The following KAZN variants were observed in gnomAD, a reference collection of about 807,000 sequenced individuals.
KAZN encodes the protein kazrin.
Under a neutral mutation model 87.4 loss-of-function variants are expected in KAZN, and 40 were observed. The ratio of observed to expected loss-of-function variants is 0.46; its 90% CI spans 0.36 to 0.60. The LOEUF is 0.60. Among genes scored for constraint, KAZN ranks in the 20% least tolerant of loss-of-function variants. The probability of loss-of-function intolerance (pLI) is 0.00; values close to 1 mark genes in which losing one functional copy is unlikely to be tolerated. For synonymous variants in KAZN, 466 were observed against 458.3 expected (o/e 1.02, Z -0.22); for missense variants, 898 against 1,073.9 (o/e 0.84, Z 2.29).
At chr1:14,662,678 T>C (rs952756233) in intron 1 of KAZN, among the ~76,000 whole-genome samples, 1 of 151,788 alleles carries the variant, frequency 6.6e-6, no homozygotes, top group Non-Finnish European at 1.5e-5. Context: ...TGTGTGTATA[T>C]GAGTGTTTGC....
chr1:14,386,308 T>C (rs1245337355), intron 2 of KAZN, among the ~76,000 whole-genome samples: 4 of 147,164 alleles, frequency 2.7e-5, no homozygotes, highest in Non-Finnish European at 4.5e-5. Context: ...ATTTAGTCCA[T>C]TTACATTTAA....
chr1:14,392,302 A>AT (rs1662512689), intron 2 of KAZN, among the ~76,000 whole-genome samples: 2 of 152,186 alleles, frequency 1.3e-5, no homozygotes, highest in African/African-American at 4.8e-5. Flanking sequence ...ATATTACAGC[A>AT]TATCTAGTAA....
At chr1:14,615,053 C>G (rs1372696633) in intron 1 of KAZN, among the ~76,000 whole-genome samples, 2 of 152,232 alleles carry the variant, frequency 1.3e-5, no homozygotes, top group African/African-American at 4.8e-5. Context: ...CTTGCCAATT[C>G]CCCTGTAAAT....
At chr1:14,347,299 ACTATACC>A (rs1658175987) in intron 2 of KAZN, among the ~76,000 whole-genome samples, 1 of 152,196 alleles carries the variant, frequency 6.6e-6, no homozygotes, top group African/African-American at 2.4e-5. Context: ...AACATGGACA[ACTATACC>A]AGCAGTCCAG....
intron 2 of KAZN, among the ~76,000 whole-genome samples, chr1:14,366,650 C>T (rs182836756): frequency 2.2e-4 from 33 of 152,324 alleles, no homozygotes; most frequent in East Asian, 5.8e-4. Context: ...CGGGAAGAAA[C>T]GCCGCACCAG....
At chr1:15,046,297 C>CAAAAAAAAAAAAAAAAA (rs55932579) in intron 4 of KAZN, among the ~76,000 whole-genome samples, 6 of 134,342 alleles carry the variant, frequency 4.5e-5, no homozygotes, top group East Asian at 2.2e-4. Context: ...GACTCCGTCT[C>CAAAAAAAAAAAAAAAAA]AAAAAAAAAA....
intron 1 of KAZN, among the ~76,000 whole-genome samples, chr1:14,707,495 C>G (rs944201444): frequency 6.6e-6 from 1 of 152,194 alleles, no homozygotes; most frequent in African/African-American, 2.4e-5. Context: ...AGGTCTCTTT[C>G]TGGAATTCTC....
Position 14,166,293 on chromosome 1 carries a change from C to T in KAZN, c.92-14142C>T, listed in dbSNP as rs562092318. ...TTGTGCCACTGCACTCCAGCCTGAG[C>T]GACAGAGCAAGACTGTCTCAAAAAT... On this transcript the variant is annotated intron_variant, in intron 1 of 16. Coordinates refer to the KAZN transcript ENST00000636203. Among the ~76,000 whole-genome samples the T allele has an allele frequency of 2.0e-5, 3 of 152,120 alleles. No homozygotes were observed. The East Asian group carries it at 5.8e-4, about 29-fold the overall frequency.
chr1:13,992,313 A>C (rs532896495), intron 1 of KAZN, among the ~76,000 whole-genome samples: 4 of 152,158 alleles, frequency 2.6e-5, no homozygotes, highest in Admixed American at 6.5e-5. Flanking sequence ...CTTGCTCACC[A>C]AAATTATTGT....
chr1:14,038,811 G>A (rs1022918684), intron 1 of KAZN, among the ~76,000 whole-genome samples: 9 of 152,134 alleles, frequency 5.9e-5, no homozygotes, highest in African/African-American at 9.7e-5. Flanking sequence ...GTGTGAATCC[G>A]TTTTTCCAAT....
chr1:14,107,607 A>G (rs1644406218), intron 1 of KAZN, among the ~76,000 whole-genome samples: 1 of 152,162 alleles, frequency 6.6e-6, no homozygotes, highest in African/African-American at 2.4e-5. Context: ...GTTTCCATAC[A>G]AGGCCACCTC....
At position 15,037,674 on chromosome 1, in the gene KAZN, C is replaced by T. The variant is rs1172611146; in HGVS notation, c.555+2789C>T. Among the ~76,000 whole-genome samples, 6 of 152,088 alleles carry T rather than the reference C, an allele frequency of 3.9e-5. No homozygotes were observed. The East Asian group carries it at 1.2e-3, about 29-fold the overall frequency. ...AATTCCACAGTGGATTTCAAAGCCC[C>T]TCTGCCGGCCCCTCACCTGCCACTC... On this transcript the variant is annotated intron_variant, in intron 3 of 14. Coordinates refer to ENST00000376030, the MANE Select transcript of KAZN (RefSeq NM_201628.3).
chr1:14,511,022 T>G (rs1352205614), intron 2 of KAZN, among the ~76,000 whole-genome samples: 1 of 151,712 alleles, frequency 6.6e-6, no homozygotes, highest in Non-Finnish European at 1.5e-5. Flanking sequence ...CCATTGGTGA[T>G]CCTCCTCAAT....
chr1:14,479,726 C>T (rs969331590), intron 2 of KAZN, among the ~76,000 whole-genome samples: 7 of 152,158 alleles, frequency 4.6e-5, no homozygotes, highest in African/African-American at 1.7e-4. Context: ...TCACTGAAGA[C>T]AGTGGCATGA....
At chr1:14,428,368 A>T (rs1311839871) in intron 2 of KAZN, among the ~76,000 whole-genome samples, 5 of 152,088 alleles carry the variant, frequency 3.3e-5, no homozygotes, top group Admixed American at 2.6e-4. Flanking sequence ...AGAAATCTCA[A>T]CCCTTTCTAG....
chr1:14,971,681 CTTTT>C (rs1009399616), intron 2 of KAZN, among the ~76,000 whole-genome samples: 3 of 104,820 alleles, frequency 2.9e-5, no homozygotes, highest in Admixed American at 9.8e-5. Context: ...TTTTCTTTTT[CTTTT>C]TTTTTTTTTT....
intron 2 of KAZN, among the ~76,000 whole-genome samples, chr1:14,248,993 G>GCC (rs1649766462): frequency 6.6e-6 from 1 of 152,172 alleles, no homozygotes; most frequent in South Asian, 2.1e-4. Flanking sequence ...TCTCAGCTAA[G>GCC]CCCCCAGCCT....
intron 1 of KAZN, among the ~76,000 whole-genome samples, chr1:14,853,613 A>C (rs1649725375): frequency 6.6e-6 from 1 of 152,126 alleles, no homozygotes; most frequent in South Asian, 2.1e-4. Context: ...AGACGGATGA[A>C]ATAGCCTGAA....
At chr1:14,907,415 A>AC (rs1656722395) in intron 1 of KAZN, among the ~76,000 whole-genome samples, 1 of 151,806 alleles carries the variant, frequency 6.6e-6, no homozygotes, top group African/African-American at 2.4e-5. Context: ...AAAAAAAAAA[A>AC]AACAAAAAGT....
Sources: allele counts gnomAD v4.1 joint callset (sites outside exome capture counted in the v4.1 genomes callset), GRCh38; gene constraint gnomAD v4.1.1; transcripts MANE v1.5; gene names NCBI Gene and HGNC (gene_info 2026-07-23, HGNC 2026-07-21).